Variants in MYLK observed in about 807,000 individuals in gnomAD.
MYLK encodes the protein myosin light chain kinase, smooth muscle.
A neutral mutation model predicts 203.4 loss-of-function variants in MYLK; 106 were observed. The observed-to-expected ratio is 0.52, with a 90% CI of 0.45 to 0.61. The LOEUF (loss-of-function observed/expected upper bound fraction) is 0.61. Ranked by LOEUF, MYLK falls within the 20% of genes least tolerant of loss-of-function variation. MYLK has a pLI of 0.00. For missense variants in MYLK, 2,072 were observed against 2,442.3 expected (o/e 0.85, Z 3.20); for synonymous variants, 867 against 959.5 (o/e 0.90, Z 1.78).
intron 31 of MYLK, chr3:123,620,716 T>C: frequency 2.2e-6 from 2 of 927,492 alleles, no homozygotes; most frequent in Non-Finnish European, 2.6e-6. Flanking sequence ...AGCGGGGCTA[T>C]TTCTCGTAAA....
At chr3:123,637,757 A>G (rs1212758162) in intron 29 of MYLK, among the ~76,000 whole-genome samples, 1 of 152,150 alleles carries the variant, frequency 6.6e-6, no homozygotes, top group Non-Finnish European at 1.5e-5. Context: ...ACTTGGTGCC[A>G]GCCACATTTC....
chr3:123,755,634 GGA>G (rs2063337163), intron 4 of MYLK, among the ~76,000 whole-genome samples: 1 of 152,048 alleles, frequency 6.6e-6, no homozygotes, highest in Non-Finnish European at 1.5e-5. Context: ...CCACTACCCT[GGA>G]CCTCTGGGTG....
rs1203435454 is a variant in MYLK, at chr3:123,629,523, A to C, written c.5065T>G (p.Ser1689Ala). 1 of 1,614,214 alleles carries C rather than the reference A, an allele frequency of 6.2e-7. No homozygotes were observed. Among genetic ancestry groups the C allele is most frequent in the South Asian group, 1.1e-5 (1 of 91,082 alleles). The change falls in exon 30 of 34, where the codon TCC becomes GCC. Residue 1689 changes from serine to alanine, a missense_variant. Physicochemically the swap from Ser to Ala is moderately conservative, Grantham distance 99 (BLOSUM62 1). Transcript: ENST00000360304. This position sits in a 1 kb window ranked among gnomAD's most constrained non-coding sequence, Gnocchi z 4.4. ...DFDDEAFDEI[S>A]DDAKDFISNL... ...CTGATGAAATCCTTGGCATCGTCGG[A>C]GATCTCATCGAATGCCTCGTCGTCG...
chr3:123,770,261 T>C (rs1262129611), intron 4 of MYLK, among the ~76,000 whole-genome samples: 1 of 151,958 alleles, frequency 6.6e-6, no homozygotes, highest in Non-Finnish European at 1.5e-5. Context: ...GAGGCAGAGG[T>C]TGCAGTGAGC....
intron 4 of MYLK, among the ~76,000 whole-genome samples, chr3:123,789,275 G>A (rs1044956105): frequency 2.6e-5 from 4 of 152,042 alleles, no homozygotes; most frequent in Admixed American, 6.6e-5. Context: ...CACAGAGCGC[G>A]CGTCTGAATT....
chr3:123,670,034 CAAAAAAA>C (rs57445681), intron 20 of MYLK, among the ~76,000 whole-genome samples: 5 of 37,064 alleles, frequency 1.3e-4, no homozygotes, highest in Non-Finnish European at 3.1e-4. Flanking sequence ...GACTCCATCT[CAAAAAAA>C]AAAAAAAAAA....
At position 123,666,252 on chromosome 3, in the gene MYLK, G is replaced by A; in HGVS notation, c.3798C>T (p.Pro1266=). The change falls in exon 22 of 34, where the codon CCC becomes CCT. Residue 1266 remains proline, a synonymous_variant. Coordinates refer to ENST00000360304, the MANE Select transcript of MYLK (RefSeq NM_053025.4). Reference sequence around the variant, plus strand: ...GGAACTTCATCCAGGTACAGGTGATGGGCTGAGTGCCTGTCACTTTGCCAA... The same window carrying A: ...GGAACTTCATCCAGGTACAGGTGATAGGCTGAGTGCCTGTCACTTTGCCAA... ...ELFGKVTGTQ[P]ITCTWMKFRK... is the part of the protein sequence containing the mutation. 1 of 1,614,214 alleles carries A rather than the reference G, an allele frequency of 6.2e-7. No homozygotes were observed. The highest frequency in any genetic ancestry group is 8.5e-7 in the Non-Finnish European group (1 of 1,180,042).
chr3:123,677,841 A>C (rs1301189074), intron 20 of MYLK, among the ~76,000 whole-genome samples: 1 of 145,484 alleles, frequency 6.9e-6, no homozygotes, highest in African/African-American at 2.5e-5. Flanking sequence ...AATTTGGCCT[A>C]AAATGGTAGG....
At chr3:123,758,794 CCAAA>C (rs1268827183) in intron 4 of MYLK, among the ~76,000 whole-genome samples, 1 of 152,172 alleles carries the variant, frequency 6.6e-6, no homozygotes, top group African/African-American at 2.4e-5. Flanking sequence ...TTTGGAGCAG[CCAAA>C]CAAAGATACA....
At chr3:123,799,145 A>AG (rs1256045674) in intron 3 of MYLK, among the ~76,000 whole-genome samples, 1 of 152,162 alleles carries the variant, frequency 6.6e-6, no homozygotes, top group Non-Finnish European at 1.5e-5. Flanking sequence ...CAAAAAGAGC[A>AG]GTGGTTCAAG....
At chr3:123,785,440 A>T (rs188181003) in intron 4 of MYLK, among the ~76,000 whole-genome samples, 2 of 152,350 alleles carry the variant, frequency 1.3e-5, no homozygotes, top group East Asian at 3.9e-4. Context: ...TGGAATAGAC[A>T]CCTGTGGAAA....
intron 2 of MYLK, among the ~76,000 whole-genome samples, chr3:123,843,533 A>G (rs1325983827): frequency 7.2e-5 from 11 of 152,236 alleles, no homozygotes; most frequent in Admixed American, 7.2e-4. Flanking sequence ...ACTCTGCTAC[A>G]TTCCAGAATG....
At chr3:123,794,816 T>C (rs149550738) in intron 3 of MYLK, among the ~76,000 whole-genome samples, 159 of 152,368 alleles carry the variant, frequency 1.0e-3, no homozygotes, top group African/African-American at 3.6e-3. Context: ...AATAATAAGT[T>C]ATCATTTATT....
rs1576780971 is a variant in MYLK, at chr3:123,733,964, G to A, written c.1032C>T (p.Ser344=). 2 of 1,614,218 alleles carry A rather than the reference G, an allele frequency of 1.2e-6. No homozygotes were observed. The highest frequency in any genetic ancestry group is 8.5e-7 in the Non-Finnish European group (1 of 1,180,046). ...GAACTCTTGCGGCCTGCAGGGTGAT[G>A]GAGCTGGAAGTCTTCTGAAGGACCG... The part of the protein sequence containing the change: ...QTPVLQKTSS[S]ITLQAARVQP... Residue 344 remains serine (S), a synonymous_variant, in exon 10 of 34, where the codon TCC becomes TCT. Transcript: ENST00000360304.
intron 4 of MYLK, among the ~76,000 whole-genome samples, chr3:123,763,561 A>C (rs2063604086): frequency 6.6e-6 from 1 of 152,214 alleles, no homozygotes; most frequent in African/African-American, 2.4e-5. Context: ...TTTTAAGTGG[A>C]AACCTTTTTT....
intron 6 of MYLK, among the ~76,000 whole-genome samples, chr3:123,739,622 G>A (rs898800333): frequency 6.6e-6 from 1 of 152,190 alleles, no homozygotes; most frequent in Non-Finnish European, 1.5e-5. Flanking sequence ...GTGATTTGAG[G>A]CTTGTCTGTT....
At chr3:123,659,692 A>C in intron 23 of MYLK, 1 of 518,416 alleles carries the variant, frequency 1.9e-6, no homozygotes, top group Non-Finnish European at 3.9e-6. Flanking sequence ...AAACTCTCAG[A>C]AAAGAACAGA....
intron 4 of MYLK, among the ~76,000 whole-genome samples, chr3:123,792,636 T>C (rs77922295): frequency 8.3e-4 from 126 of 152,284 alleles, no homozygotes; most frequent in African/African-American, 3.0e-3. Context: ...CTTTTTATAG[T>C]CATCTAAGTC....
At chr3:123,722,411 A>C in intron 12 of MYLK, 131 bp from the exon 13 acceptor site, 1 of 1,112,374 alleles carries the variant, frequency 9.0e-7, no homozygotes, top group Non-Finnish European at 1.3e-6. Context: ...CTGAGGGCTA[A>C]TGATGTACCA....
Sources: gnomAD v4.1 joint callset for allele counts (sites outside exome capture counted in the v4.1 genomes callset) on GRCh38, gnomAD v4.1.1 for gene constraint, Gnocchi (gnomAD v3.1) non-coding constraint, MANE v1.5 for transcripts, NCBI Gene and HGNC (gene_info 2026-07-23, HGNC 2026-07-21) for gene names.